TRIO: variants seen among roughly 807,000 people sequenced by gnomAD.
TRIO encodes trio Rho guanine nucleotide exchange factor, also known as triple functional domain protein.
In TRIO, 58 loss-of-function variants were observed where a neutral mutation model predicts 351.9. The ratio of observed to expected loss-of-function variants is 0.16; its 90% CI spans 0.13 to 0.21. The LOEUF is 0.21. Among genes scored for constraint, TRIO ranks in the 10% least tolerant of loss-of-function variants. The pLI is 1.00. For synonymous variants in TRIO, 1,758 were observed against 1,595.7 expected (o/e 1.10, Z -2.42); for missense variants, 3,201 against 4,027.8 (o/e 0.79, Z 5.56).
rs1482492170 is a variant in TRIO at position 14,387,441 on chromosome 5, A to G, written c.3574A>G (p.Thr1192Ala). 6.2e-7 allele frequency: 1 copy of G among 1,602,128 alleles called. No homozygotes were observed. The highest frequency in any genetic ancestry group is 1.1e-5 in the South Asian group (1 of 90,150). Residue 1192 changes from threonine (T) to alanine (A), a missense_variant, in exon 22 of 57, where the codon ACC becomes GCC. By Grantham distance (58) the Thr-to-Ala change is moderately conservative. Transcript: ENST00000344204. ...ACTTTCCTGTTGTTTTTTGCAGCAA[A>G]CCAAAGAGAGAGTGAAGCTATTGAT... ...HEEFQITAKQTKERVKLLIQL... is the reference protein window; with the variant it reads ...HEEFQITAKQAKERVKLLIQL...
At chr5:14,440,614 G>A (rs1751950908) in intron 34 of TRIO, among the ~76,000 whole-genome samples, 1 of 152,218 alleles carries the variant, frequency 6.6e-6, no homozygotes, top group East Asian at 1.9e-4. Context: ...TTCCTGTGAG[G>A]AAGAATGAAG....
intron 9 of TRIO, among the ~76,000 whole-genome samples, chr5:14,319,438 G>C (rs1739671187): frequency 6.6e-6 from 1 of 152,168 alleles, no homozygotes; most frequent in Non-Finnish European, 1.5e-5. Context: ...ATGACACATA[G>C]GGAAGTTTTT....
At chr5:14,211,929 C>G (rs1256152523) in intron 1 of TRIO, among the ~76,000 whole-genome samples, 1 of 148,686 alleles carries the variant, frequency 6.7e-6, no homozygotes, top group African/African-American at 2.5e-5. Context: ...CTAGGCAACA[C>G]AGTGGTGAGA....
Position 14,338,705 on chromosome 5 carries a change from G to A in TRIO, c.2046+1978G>A, listed in dbSNP as rs16903405. On this transcript the variant is annotated intron_variant, in intron 11 of 56. Transcript: ENST00000344204. Reference sequence around the variant, plus strand: ...TGTCCAGTCTGCAGGTTCCTCATTCGGGGCCCAGTGACCACAGTTGCCCTG... The same window carrying A: ...TGTCCAGTCTGCAGGTTCCTCATTCAGGGCCCAGTGACCACAGTTGCCCTG... Among the ~76,000 whole-genome samples the A allele has an allele frequency of 5.6e-3, 860 of 152,272 alleles. 7 individuals are homozygous for A. The highest frequency in any genetic ancestry group is 0.019 in the African/African-American group (773 of 41,550).
intron 18 of TRIO, among the ~76,000 whole-genome samples, chr5:14,372,199 G>A (rs899021284): frequency 7.0e-6 from 1 of 142,254 alleles, no homozygotes; most frequent in Non-Finnish European, 1.5e-5. Flanking sequence ...GATCAGAGCT[G>A]GTTTGAAAGG....
At chr5:14,419,442 C>T (rs1390810900) in intron 33 of TRIO, among the ~76,000 whole-genome samples, 1 of 152,146 alleles carries the variant, frequency 6.6e-6, no homozygotes, top group Non-Finnish European at 1.5e-5. Context: ...AAATTTGGAA[C>T]AGAACTTTAT....
chr5:14,218,145 C>T (rs1432699898), intron 1 of TRIO, among the ~76,000 whole-genome samples: 1 of 152,132 alleles, frequency 6.6e-6, no homozygotes, highest in Admixed American at 6.5e-5. Context: ...AGTTTCAGCA[C>T]AAGGGCATGT....
At chr5:14,293,489 G>A (rs575183537) in intron 6 of TRIO, among the ~76,000 whole-genome samples, 3 of 152,338 alleles carry the variant, frequency 2.0e-5, no homozygotes, top group South Asian at 4.1e-4. Flanking sequence ...CAGACGGAGC[G>A]CTGTCAGTTT....
At chr5:14,240,685 T>C (rs1399907021) in intron 1 of TRIO, among the ~76,000 whole-genome samples, 22 of 152,228 alleles carry the variant, frequency 1.4e-4, no homozygotes, top group Admixed American at 1.4e-3. Context: ...TCCAGAGAGA[T>C]GGCATCCTTT....
At position 14,361,729 on chromosome 5, in the gene TRIO, A is replaced by G. The variant is rs1465578785; in HGVS notation, c.2392-2003A>G. ...GACAGTCCTCCTGTGGAGAAGGTGC[A>G]TAGGATCCACGGAAAATGTCACTCC... is the stretch of plus-strand genomic sequence containing the variant. On this transcript the variant is annotated intron_variant, in intron 13 of 56. Transcript: ENST00000344204. Among the ~76,000 whole-genome samples the G allele has an allele frequency of 2.0e-5, 3 of 152,226 alleles. No individual in the cohort carries two copies. The East Asian group carries it at 5.8e-4, about 29-fold the overall frequency.
chr5:14,410,303 C>A (rs6894866), intron 33 of TRIO, among the ~76,000 whole-genome samples: 39 of 152,146 alleles, frequency 2.6e-4, no homozygotes, highest in African/African-American at 9.4e-4. Flanking sequence ...GCTTATGTGA[C>A]GTTTTCTCTT....
intron 1 of TRIO, among the ~76,000 whole-genome samples, chr5:14,146,678 G>C (rs953718414): frequency 2.0e-5 from 3 of 152,230 alleles, no homozygotes; most frequent in Non-Finnish European, 4.4e-5. Context: ...TGGGCTCAGG[G>C]GACAGGACTG....
chr5:14,467,819 TAAAA>T (rs1206323170), intron 37 of TRIO, among the ~76,000 whole-genome samples: 1 of 151,638 alleles, frequency 6.6e-6, no homozygotes, highest in South Asian at 2.1e-4. Flanking sequence ...ATCAAAAAAA[TAAAA>T]AAAGGAGCTT....
intron 36 of TRIO, 33 bp from the exon 37 acceptor site, chr5:14,465,512 C>A (rs1754186170): frequency 6.2e-7 from 1 of 1,603,436 alleles, no homozygotes; most frequent in Non-Finnish European, 8.5e-7. Context: ...GAGCCCTTGC[C>A]CCACCCCCTC....
intron 40 of TRIO, among the ~76,000 whole-genome samples, chr5:14,474,453 T>C (rs1362175480): frequency 6.6e-6 from 1 of 151,952 alleles, no homozygotes; most frequent in African/African-American, 2.4e-5. Flanking sequence ...CATTATAATG[T>C]GGGTTTTTTG....
intron 1 of TRIO, among the ~76,000 whole-genome samples, chr5:14,197,793 C>T (rs1790869252): frequency 6.6e-6 from 1 of 152,148 alleles, no homozygotes; most frequent in African/African-American, 2.4e-5. Context: ...TTGCAGAAGG[C>T]CAGTTGTGCA....
intron 1 of TRIO, among the ~76,000 whole-genome samples, chr5:14,218,966 G>T (rs1279862960): frequency 6.6e-6 from 1 of 152,188 alleles, no homozygotes; most frequent in Non-Finnish European, 1.5e-5. Context: ...GTTGCTCTGC[G>T]CCTTCTTGTT....
intron 33 of TRIO, among the ~76,000 whole-genome samples, chr5:14,412,672 A>T (rs1749302823): frequency 6.6e-6 from 1 of 152,200 alleles, no homozygotes; most frequent in African/African-American, 2.4e-5. Context: ...ACCTCAGATA[A>T]GTTTGCCCCA....
chr5:14,495,813 A>G (rs1756854449), intron 49 of TRIO, among the ~76,000 whole-genome samples: 1 of 152,100 alleles, frequency 6.6e-6, no homozygotes, highest in Admixed American at 6.5e-5. Flanking sequence ...AAAAATACAA[A>G]AAAAAATAGC....
Sources: gnomAD v4.1 joint callset for allele counts (sites outside exome capture counted in the v4.1 genomes callset) on GRCh38, gnomAD v4.1.1 for gene constraint, MANE v1.5 for transcripts, NCBI Gene and HGNC (gene_info 2026-07-23, HGNC 2026-07-21) for gene names.